The following DIAPH3 variants were observed in gnomAD, a reference collection of about 807,000 sequenced individuals.
DIAPH3 encodes the protein protein diaphanous homolog 3.
DIAPH3 carries 117 observed loss-of-function variants against 144.3 expected under a neutral mutation model. The observed-to-expected ratio is 0.81, with a 90% CI of 0.70 to 0.95. The LOEUF (loss-of-function observed/expected upper bound fraction) is 0.95. Ranked by LOEUF, DIAPH3 falls within the 40% of genes least tolerant of loss-of-function variation. DIAPH3 has a pLI of 0.00. For synonymous variants in DIAPH3, 519 were observed against 488.9 expected (o/e 1.06, Z -0.81); for missense variants, 1,421 against 1,412.7 (o/e 1.01, Z -0.09).
rs559991017 is a variant in DIAPH3, at chr13:60,052,959, T to TAA, written c.496-10141_496-10140dup. On this transcript the variant is annotated intron_variant, in intron 4 of 27. Coordinates refer to ENST00000400324, the MANE Select transcript of DIAPH3 (RefSeq NM_001042517.2). ...CTGGTGACAGAGCCAGACTCCCTCT[T>TAA]AAAAAAAAAAAAAAAAAAAAAGAAA... is the stretch of plus-strand genomic sequence containing the variant. Among the ~76,000 whole-genome samples the TAA allele has an allele frequency of 1.5e-3, 59 of 40,634 alleles. 3 individuals are homozygous for TAA. The highest frequency in any genetic ancestry group is 1.8e-3 in the Non-Finnish European group (46 of 24,928). The allele number at this position is 40,634 out of a possible 152,430, so 26.7% of individuals were successfully genotyped here.
At chr13:59,825,036 TTTTA>T (rs34277551) in intron 24 of DIAPH3, among the ~76,000 whole-genome samples, 6 of 151,336 alleles carry the variant, frequency 4.0e-5, no homozygotes, top group South Asian at 2.1e-4. Context: ...GACACATTTA[TTTTA>T]TTTATTATTA....
At chr13:59,738,971 C>T (rs1291180154) in intron 27 of DIAPH3, among the ~76,000 whole-genome samples, 5 of 152,014 alleles carry the variant, frequency 3.3e-5, no homozygotes. Flanking sequence ...TTTTTTCCCC[C>T]TTTTTGAATT....
chr13:59,931,949 T>A (rs2048041569), intron 17 of DIAPH3, among the ~76,000 whole-genome samples: 2 of 152,198 alleles, frequency 1.3e-5, no homozygotes, highest in African/African-American at 4.8e-5. Context: ...TAGTAACTAC[T>A]CCACTAACTG....
chr13:60,085,496 A>G (rs1000676218), intron 4 of DIAPH3, among the ~76,000 whole-genome samples: 1 of 152,106 alleles, frequency 6.6e-6, no homozygotes, highest in African/African-American at 2.4e-5. Context: ...TTTACTCAAT[A>G]TTGATACCTG....
chr13:59,920,676 A>G (rs2047465197), intron 18 of DIAPH3, among the ~76,000 whole-genome samples: 1 of 151,812 alleles, frequency 6.6e-6, no homozygotes, highest in Admixed American at 6.6e-5. Context: ...TTCAGCAATA[A>G]AACAGTCATC....
intron 1 of DIAPH3, among the ~76,000 whole-genome samples, chr13:60,134,497 G>A (rs905984739): frequency 3.3e-5 from 5 of 152,204 alleles, no homozygotes; most frequent in African/African-American, 1.2e-4. Context: ...GGGCTCTTGA[G>A]TTTGCAGAGA....
chr13:59,731,993 A>G (rs561120259), intron 27 of DIAPH3, among the ~76,000 whole-genome samples: 3 of 152,276 alleles, frequency 2.0e-5, no homozygotes, highest in African/African-American at 2.4e-5. Context: ...ACTATGCTGA[A>G]TCTTTGTGGG....
chr13:59,710,378 G>A (rs1157548832), intron 27 of DIAPH3, among the ~76,000 whole-genome samples: 1 of 150,852 alleles, frequency 6.6e-6, no homozygotes, highest in Non-Finnish European at 1.5e-5. Flanking sequence ...TATTTCAAAT[G>A]TACTCTCTAC....
intron 24 of DIAPH3, among the ~76,000 whole-genome samples, chr13:59,825,515 C>T (rs551806052): frequency 6.6e-6 from 1 of 152,194 alleles, no homozygotes; most frequent in African/African-American, 2.4e-5. Context: ...TGTGTCTTTA[C>T]AGCAGCATGA....
intron 27 of DIAPH3, among the ~76,000 whole-genome samples, chr13:59,768,495 T>G (rs2037963481): frequency 1.3e-5 from 2 of 152,048 alleles, no homozygotes; most frequent in African/African-American, 4.8e-5. Context: ...CCTTAGAAAT[T>G]TCCTAATTCT....
chr13:59,687,178 A>T (rs2033264319), intron 27 of DIAPH3, among the ~76,000 whole-genome samples: 2 of 152,100 alleles, frequency 1.3e-5, no homozygotes, highest in Non-Finnish European at 2.9e-5. Context: ...GCAGTTAGGA[A>T]AACATTTATG....
chr13:59,854,883 C>T (rs2139881918), intron 22 of DIAPH3, among the ~76,000 whole-genome samples: 1 of 152,240 alleles, frequency 6.6e-6, no homozygotes, highest in Non-Finnish European at 1.5e-5. Flanking sequence ...CTGTTAACCT[C>T]CAAAAAGATA....
chr13:60,151,131 C>G (rs539406840), intron 1 of DIAPH3, among the ~76,000 whole-genome samples: 22 of 151,154 alleles, frequency 1.5e-4, no homozygotes, highest in Admixed American at 1.3e-3. Flanking sequence ...AAGTAGGAAG[C>G]AGGAAGAAGA....
At chr13:59,826,655 T>C (rs970108498) in intron 24 of DIAPH3, among the ~76,000 whole-genome samples, 4 of 151,758 alleles carry the variant, frequency 2.6e-5, no homozygotes, top group African/African-American at 9.6e-5. Context: ...TACCAATGAC[T>C]TTCTTCACAA....
intron 17 of DIAPH3, among the ~76,000 whole-genome samples, chr13:59,961,592 G>A (rs778092694): frequency 6.6e-6 from 1 of 152,178 alleles, no homozygotes; most frequent in Non-Finnish European, 1.5e-5. Flanking sequence ...TGGTAAGGTG[G>A]CAGAAGATGA....
chr13:60,014,022 AGT>A (rs1366997782), intron 7 of DIAPH3, among the ~76,000 whole-genome samples: 1 of 152,192 alleles, frequency 6.6e-6, no homozygotes, highest in East Asian at 1.9e-4. Context: ...AGAGAAAAAT[AGT>A]ATATTAATTA....
At chr13:59,675,407 C>T (rs1217512970) in intron 27 of DIAPH3, among the ~76,000 whole-genome samples, 7 of 147,418 alleles carry the variant, frequency 4.7e-5, no homozygotes, top group African/African-American at 7.6e-5. Context: ...TTTTTTGAGA[C>T]GGAGTCTCGC....
chr13:59,839,794 G>GAATCACAATTAAA (rs2042241719), intron 22 of DIAPH3, among the ~76,000 whole-genome samples: 1 of 152,130 alleles, frequency 6.6e-6, no homozygotes, highest in Admixed American at 6.6e-5. Flanking sequence ...AAATTGGACT[G>GAATCACAATTAAA]ATTTAAATAT....
chr13:59,682,948 C>T (rs1011207170), intron 27 of DIAPH3, among the ~76,000 whole-genome samples: 24 of 152,198 alleles, frequency 1.6e-4, no homozygotes, highest in Non-Finnish European at 2.5e-4. Context: ...AAAAGCGGTA[C>T]TTTAATGCAG....
Sources: allele counts gnomAD v4.1 joint callset (sites outside exome capture counted in the v4.1 genomes callset), GRCh38; gene constraint gnomAD v4.1.1; transcripts MANE v1.5; gene names NCBI Gene and HGNC (gene_info 2026-07-23, HGNC 2026-07-21).